Variants in LSAMP observed in about 807,000 individuals in gnomAD.
The protein encoded by LSAMP is limbic system associated membrane protein.
Under a neutral mutation model 38.6 loss-of-function variants are expected in LSAMP, and 7 were observed. The observed-to-expected ratio is 0.18, with a 90% CI of 0.10 to 0.34. The LOEUF is 0.34. LSAMP is among the 10% of genes least tolerant of loss of function. LSAMP has a pLI of 1.00. For synonymous variants in LSAMP, 154 were observed against 166.8 expected (o/e 0.92, Z 0.59); for missense variants, 313 against 420.0 (o/e 0.75, Z 2.23).
chr3:116,229,896 AAGAG>A (rs148404904), intron 1 of LSAMP, among the ~76,000 whole-genome samples: 2 of 152,288 alleles, frequency 1.3e-5, no homozygotes, highest in Non-Finnish European at 2.9e-5. Flanking sequence ...AATGGAAAGA[AAGAG>A]AGGGTAACTG....
intron 1 of LSAMP, among the ~76,000 whole-genome samples, chr3:116,178,166 G>A (rs184600757): frequency 6.6e-6 from 1 of 151,862 alleles, no homozygotes; most frequent in African/African-American, 2.4e-5. Context: ...AAAGGGAAGA[G>A]ACTTAATTTT....
intron 3 of LSAMP, among the ~76,000 whole-genome samples, chr3:115,921,983 A>G (rs564014893): frequency 6.6e-6 from 1 of 152,032 alleles, no homozygotes; most frequent in Admixed American, 6.6e-5. Context: ...TCAAAATTTT[A>G]TCTGTTTCTG....
At chr3:116,056,792 C>T (rs1341320565) in intron 2 of LSAMP, among the ~76,000 whole-genome samples, 1 of 152,120 alleles carries the variant, frequency 6.6e-6, no homozygotes, top group Non-Finnish European at 1.5e-5. Flanking sequence ...AACCAAGAAA[C>T]AAATCCTCAT....
chr3:116,303,493 G>C lies in LSAMP; in HGVS notation c.155+141384C>G, dbSNP rs866126515. On this transcript the variant is annotated intron_variant, in intron 1 of 6. Coordinates refer to ENST00000490035, the MANE Select transcript of LSAMP (RefSeq NM_002338.5). ...TATTCTTTTTTTGGATTGAAATTCA[G>C]TGTCTAGTATCTCTGAGATGAAAAC... 2.2e-4 allele frequency among the ~76,000 whole-genome samples: 34 copies of C among 152,230 alleles called. No homozygotes were observed. The Middle Eastern group carries it at 0.031, about 137-fold the overall frequency.
chr3:116,092,126 A>G (rs1313353366), intron 1 of LSAMP, among the ~76,000 whole-genome samples: 2 of 152,216 alleles, frequency 1.3e-5, no homozygotes, highest in Admixed American at 1.3e-4. Flanking sequence ...ACTTGCTGAA[A>G]TGTGGAATAA....
At chr3:116,150,381 T>A (rs576632903) in intron 1 of LSAMP, among the ~76,000 whole-genome samples, 1 of 152,184 alleles carries the variant, frequency 6.6e-6, no homozygotes, top group Admixed American at 6.6e-5. Flanking sequence ...CTAACACCTA[T>A]GCCTGTAGAT....
chr3:116,120,213 T>TAA (rs1708844391), intron 1 of LSAMP, among the ~76,000 whole-genome samples: 1 of 152,166 alleles, frequency 6.6e-6, no homozygotes, highest in African/African-American at 2.4e-5. Flanking sequence ...AAAAGGTATC[T>TAA]TGATGGACCA....
chr3:115,915,582 C>T (rs1407028711), intron 3 of LSAMP, among the ~76,000 whole-genome samples: 1 of 152,090 alleles, frequency 6.6e-6, no homozygotes, highest in Non-Finnish European at 1.5e-5. Context: ...AGTTCACTTG[C>T]TGCAGCCTTT....
At chr3:116,248,624 G>C (rs1483861749) in intron 1 of LSAMP, among the ~76,000 whole-genome samples, 1 of 151,890 alleles carries the variant, frequency 6.6e-6, no homozygotes, top group African/African-American at 2.4e-5. Flanking sequence ...GGGAAAGGAG[G>C]CAGGCAGTAT....
At position 116,445,012 on chromosome 3, in the gene LSAMP, G is replaced by C. The variant is rs543678029; in HGVS notation, c.20C>G (p.Pro7Arg). 1.5e-4 allele frequency: 243 copies of C among 1,613,806 alleles called. 4 individuals carry two copies. The South Asian group carries it at 2.5e-3, about 17-fold the overall frequency. Residue 7 changes from proline to arginine, a missense_variant, in exon 1 of 7, where the codon CCG becomes CGG. Transcript: ENST00000490035. ...GACCAGTGGCAACTGTTTCCGATCC[G>C]GCTGAACTCTCCTGACCATGGTGGC... MVRRVQ[P>R]DRKQLPLVLL...
intron 1 of LSAMP, among the ~76,000 whole-genome samples, chr3:116,393,750 T>G (rs1425669362): frequency 6.6e-6 from 1 of 152,260 alleles, no homozygotes; most frequent in East Asian, 1.9e-4. Context: ...CTTATAGATG[T>G]GAGCTATTAA....
chr3:115,885,820 C>A (rs1250162781), intron 3 of LSAMP, among the ~76,000 whole-genome samples: 1 of 151,860 alleles, frequency 6.6e-6, no homozygotes, highest in African/African-American at 2.4e-5. Context: ...CCACGGACAG[C>A]TCTCTTAAGG....
At chr3:115,936,788 C>T (rs967630674) in intron 3 of LSAMP, among the ~76,000 whole-genome samples, 3 of 152,042 alleles carry the variant, frequency 2.0e-5, no homozygotes, top group African/African-American at 4.8e-5. Flanking sequence ...GCTGGAAATA[C>T]ATATAATGGA....
chr3:116,437,212 G>C (rs1025959221), intron 1 of LSAMP, among the ~76,000 whole-genome samples: 5 of 151,910 alleles, frequency 3.3e-5, no homozygotes, highest in Admixed American at 3.3e-4. Context: ...GCTAAGCTAT[G>C]AGGACACAAA....
At chr3:116,429,505 G>A (rs1018800446) in intron 1 of LSAMP, among the ~76,000 whole-genome samples, 3 of 152,110 alleles carry the variant, frequency 2.0e-5, no homozygotes, top group African/African-American at 7.2e-5. Context: ...GCTGATGAGT[G>A]CACTTGATAT....
At chr3:115,817,215 T>C (rs1394629779) in intron 6 of LSAMP, among the ~76,000 whole-genome samples, 2 of 152,262 alleles carry the variant, frequency 1.3e-5, no homozygotes, top group East Asian at 1.9e-4. Context: ...TCTCATCATC[T>C]TGTTAAAAAT....
chr3:116,308,291 T>C (rs919657504), intron 1 of LSAMP, among the ~76,000 whole-genome samples: 1 of 152,040 alleles, frequency 6.6e-6, no homozygotes, highest in African/African-American at 2.4e-5. Context: ...CAATAAACCC[T>C]TTCTCAGCAT....
At chr3:116,247,554 T>C (rs2046620467) in intron 1 of LSAMP, among the ~76,000 whole-genome samples, 1 of 152,214 alleles carries the variant, frequency 6.6e-6, no homozygotes, top group African/African-American at 2.4e-5. Flanking sequence ...TTTTTAGAGA[T>C]ATTTTTGAAG....
intron 1 of LSAMP, among the ~76,000 whole-genome samples, chr3:116,135,051 CT>C (rs1363072716): frequency 6.6e-6 from 1 of 152,106 alleles, no homozygotes; most frequent in Non-Finnish European, 1.5e-5. Flanking sequence ...AATTTTCCAT[CT>C]GGTTTTCACT....
Sources: gnomAD v4.1 joint callset for allele counts (sites outside exome capture counted in the v4.1 genomes callset) on GRCh38, gnomAD v4.1.1 for gene constraint, MANE v1.5 for transcripts, NCBI Gene and HGNC (gene_info 2026-07-23, HGNC 2026-07-21) for gene names.